Variants in SYN3 observed in about 807,000 individuals in gnomAD.
The protein encoded by SYN3 is synapsin-3.
In SYN3, 35 loss-of-function variants were observed where a neutral mutation model predicts 65.8. The ratio of observed to expected loss-of-function variants is 0.53; its 90% CI spans 0.41 to 0.70. The LOEUF is 0.70. Among genes scored for constraint, SYN3 ranks in the 30% least tolerant of loss-of-function variants. The probability of loss-of-function intolerance (pLI) is 0.00; values close to 1 mark genes in which losing one functional copy is unlikely to be tolerated. For synonymous variants in SYN3, 270 were observed against 292.9 expected, an observed-to-expected ratio of 0.92 and a Z score of 0.80; for missense variants, 680 against 749.0, an observed-to-expected ratio of 0.91 and a Z score of 1.08.
chr22:32,898,197 T>C (rs966965693), intron 4 of SYN3, among the ~76,000 whole-genome samples: 1 of 152,234 alleles, frequency 6.6e-6, no homozygotes, highest in Non-Finnish European at 1.5e-5. Flanking sequence ...AGTTTCACCA[T>C]GTTGGTCAGG....
At chr22:32,601,268 C>CT (rs5845009) in intron 6 of SYN3, among the ~76,000 whole-genome samples, 6 of 149,980 alleles carry the variant, frequency 4.0e-5, no homozygotes, top group Non-Finnish European at 8.9e-5. Flanking sequence ...TTTCCTTTGC[C>CT]TTTTTTTTTC....
intron 4 of SYN3, among the ~76,000 whole-genome samples, chr22:32,891,226 G>A (rs1162095947): frequency 6.6e-6 from 1 of 152,118 alleles, no homozygotes; most frequent in Non-Finnish European, 1.5e-5. Context: ...CATCTGGGGG[G>A]GTCAATTTTG....
intron 3 of SYN3, among the ~76,000 whole-genome samples, chr22:32,965,848 C>A (rs926103043): frequency 1.3e-5 from 2 of 152,102 alleles, no homozygotes; most frequent in African/African-American, 2.4e-5. Context: ...GCGCCCGCCA[C>A]CACACCCGGC....
intron 6 of SYN3, among the ~76,000 whole-genome samples, chr22:32,705,766 G>A (rs1223988682): frequency 6.6e-6 from 1 of 152,074 alleles, no homozygotes; most frequent in Non-Finnish European, 1.5e-5. Flanking sequence ...GTAGAGATCT[G>A]TCACCTCCCT....
chr22:32,604,771 T>C (rs1421647586), intron 6 of SYN3, among the ~76,000 whole-genome samples: 12 of 152,090 alleles, frequency 7.9e-5, no homozygotes, highest in Admixed American at 4.6e-4. Flanking sequence ...TTTGGGAGGC[T>C]GAGGCGGGCA....
At chr22:32,692,854 C>T (rs1271322335) in intron 6 of SYN3, among the ~76,000 whole-genome samples, 1 of 152,126 alleles carries the variant, frequency 6.6e-6, no homozygotes, top group African/African-American at 2.4e-5. Flanking sequence ...TACATGTTTT[C>T]GGCATAAAGT....
chr22:32,636,003 T>G (rs1463714564), intron 6 of SYN3, among the ~76,000 whole-genome samples: 6 of 152,148 alleles, frequency 3.9e-5, no homozygotes, highest in Non-Finnish European at 8.8e-5. Context: ...CCTTAAGGTA[T>G]CGATGTAGAA....
chr22:32,796,030 G>A (rs1386238853), intron 6 of SYN3, among the ~76,000 whole-genome samples: 1 of 152,182 alleles, frequency 6.6e-6, no homozygotes, highest in Admixed American at 6.5e-5. Flanking sequence ...TCTGTGTGAA[G>A]CTGAGCATGC....
chr22:32,856,340 A>C (rs1206029772), intron 6 of SYN3, among the ~76,000 whole-genome samples: 2 of 152,074 alleles, frequency 1.3e-5, no homozygotes, highest in Non-Finnish European at 2.9e-5. Flanking sequence ...CTGCACAGGA[A>C]GGTTTCTCTG....
At chr22:32,778,638 G>A (rs536662936) in intron 6 of SYN3, among the ~76,000 whole-genome samples, 17 of 152,158 alleles carry the variant, frequency 1.1e-4, no homozygotes, top group African/African-American at 2.4e-4. Flanking sequence ...ACACAATGAC[G>A]GATGATATTC....
chr22:32,691,918 G>A (rs1401705042), intron 6 of SYN3, among the ~76,000 whole-genome samples: 9 of 152,108 alleles, frequency 5.9e-5, no homozygotes, highest in African/African-American at 1.9e-4. Context: ...TGGGGTGAAA[G>A]TTTATTTTCC....
rs71187222 is a variant in SYN3 at position 32,948,736 on chromosome 22, C to CAATAAATAAATAAATAAATA, written c.370-17275_370-17256dup. 2.1e-4 allele frequency among the ~76,000 whole-genome samples: 31 copies of CAATAAATAAATAAATAAATA among 149,764 alleles called. 1 individual carries two copies. Among genetic ancestry groups the CAATAAATAAATAAATAAATA allele is most frequent in the Admixed American group, 4.0e-4 (6 of 15,058 alleles). ...TGGGTGACAGAGTGAGACTCCGTCT[C>CAATAAATAAATAAATAAATA]AATAAATAAATAAATAAATAAGTTC... is the stretch of plus-strand genomic sequence containing the variant. On this transcript the variant is annotated intron_variant, in intron 3 of 13. Coordinates refer to ENST00000358763, the MANE Select transcript of SYN3 (RefSeq NM_003490.4).
chr22:32,878,586 G>T (rs1331251462), intron 4 of SYN3, among the ~76,000 whole-genome samples: 1 of 152,178 alleles, frequency 6.6e-6, no homozygotes, highest in East Asian at 1.9e-4. Context: ...TACCACCATG[G>T]TTGAGTGAGG....
chr22:32,886,116 G>C (rs1016135207), intron 4 of SYN3, among the ~76,000 whole-genome samples: 6 of 152,192 alleles, frequency 3.9e-5, no homozygotes, highest in Non-Finnish European at 8.8e-5. Context: ...TGGCTCATAA[G>C]CTTGTGTGTT....
At chr22:32,716,589 G>A (rs560825985) in intron 6 of SYN3, among the ~76,000 whole-genome samples, 1 of 152,148 alleles carries the variant, frequency 6.6e-6, no homozygotes, top group South Asian at 2.1e-4. Context: ...GAAGTGCAGT[G>A]GCATGATCTC....
intron 1 of SYN3, among the ~76,000 whole-genome samples, chr22:33,047,626 C>T (rs1601960855): frequency 6.6e-6 from 1 of 151,904 alleles, no homozygotes; most frequent in Non-Finnish European, 1.5e-5. Context: ...TGTGGGGTTT[C>T]CTGAGGGCTT....
chr22:32,855,712 T>G (rs988200343), intron 6 of SYN3, among the ~76,000 whole-genome samples: 5 of 152,180 alleles, frequency 3.3e-5, no homozygotes, highest in African/African-American at 1.2e-4. Flanking sequence ...TATTATGGGA[T>G]GTTTAGCAAC....
chr22:32,522,206 T>C (rs1457094458), intron 12 of SYN3, among the ~76,000 whole-genome samples: 1 of 152,254 alleles, frequency 6.6e-6, no homozygotes, highest in African/African-American at 2.4e-5. Flanking sequence ...GGGAACTCAA[T>C]GAAAGCGTTG....
At chr22:32,849,970 C>T (rs2048174505) in intron 6 of SYN3, among the ~76,000 whole-genome samples, 1 of 151,790 alleles carries the variant, frequency 6.6e-6, no homozygotes, top group South Asian at 2.1e-4. Flanking sequence ...TTCATGCAGC[C>T]ACTGAGGTTA....
Sources: gnomAD v4.1 joint callset for allele counts (sites outside exome capture counted in the v4.1 genomes callset) on GRCh38, gnomAD v4.1.1 for gene constraint, MANE v1.5 for transcripts, NCBI Gene and HGNC (gene_info 2026-07-23, HGNC 2026-07-21) for gene names.